NBPF8: variants seen among roughly 807,000 people sequenced by gnomAD.
NBPF8 encodes NBPF member 8.
At chr1:120,465,231 A>C (rs1661709160) in intron 23 of NBPF8, 32 bp from the exon 22 acceptor site, 2 of 483,426 alleles carry the variant, frequency 4.1e-6, no homozygotes, top group Non-Finnish European at 7.2e-6. Flanking sequence ...GAATCAGCTT[A>C]ATGTGTCTGT....
At chr1:120,436,374 T>C in exon 1 of NBPF8, 2 of 1,542,756 alleles carry the variant, frequency 1.3e-6, no homozygotes, top group South Asian at 1.2e-5. Flanking sequence ...AGTGATCACA[T>C]TTTTCACAAC....
intron 15 of NBPF8, 90 bp downstream of exon 13, chr1:120,454,204 G>T (rs1661368731): frequency 6.7e-7 from 1 of 1,497,808 alleles, no homozygotes; most frequent in Admixed American, 1.8e-5. Flanking sequence ...AAATTCATTT[G>T]AATAAAAAAC....
chr1:120,436,744 G>T, intron 1 of NBPF8, 47 bp downstream of exon 4: 1 of 915,448 alleles, frequency 1.1e-6, no homozygotes, highest in South Asian at 1.4e-5. Flanking sequence ...ATGATGTCCT[G>T]TCTTCTCTCT....
chr1:120,435,989 G>T (rs1199256756), upstream of NBPF8, among the ~76,000 whole-genome samples: 971 of 152,198 alleles, frequency 6.4e-3, 6 homozygotes, highest in Non-Finnish European at 8.5e-3. Context: ...TGATGATGTT[G>T]TACAGACAAG....
chr1:120,419,572 C>A (rs1660517302), upstream of NBPF8, among the ~76,000 whole-genome samples: 1 of 152,164 alleles, frequency 6.6e-6, no homozygotes, highest in South Asian at 2.1e-4. Context: ...AATCCTCCTG[C>A]CTCAACCTTC....
chr1:120,424,506 G>A (rs1167713378), intron 1 of NBPF8, among the ~76,000 whole-genome samples: 7 of 151,870 alleles, frequency 4.6e-5, no homozygotes, highest in Non-Finnish European at 7.4e-5. Context: ...CAAATGCAAC[G>A]GCGCCATCTC....
intron 13 of NBPF8, among the ~76,000 whole-genome samples, chr1:120,452,909 T>C (rs1353636052): frequency 6.6e-6 from 1 of 152,134 alleles, no homozygotes; most frequent in African/African-American, 2.4e-5. Flanking sequence ...TCCCCATGGA[T>C]AGAATGTCCC....
chr1:120,428,593 A>C, intron 3 of NBPF8, among the ~76,000 whole-genome samples: 1 of 152,178 alleles, frequency 6.6e-6, no homozygotes, highest in Non-Finnish European at 1.5e-5. Flanking sequence ...CATCTTGCAG[A>C]AGCAAAGCAT....
At chr1:120,434,307 A>T (rs1661004541), upstream of NBPF8, among the ~76,000 whole-genome samples, 1 of 147,038 alleles carries the variant, frequency 6.8e-6, no homozygotes, top group South Asian at 2.1e-4. Context: ...ATATACACGT[A>T]TGTATATACA....
chr1:120,454,142 A>G (rs1661366530), intron 15 of NBPF8, 28 bp downstream of exon 13: 4 of 1,608,136 alleles, frequency 2.5e-6, no homozygotes, highest in Non-Finnish European at 1.7e-6. Flanking sequence ...TGTGTCTCAT[A>G]CCTCTCTCTA....
intron 3 of NBPF8, among the ~76,000 whole-genome samples, chr1:120,428,386 G>A (rs1660781527): frequency 1.3e-5 from 2 of 152,102 alleles, no homozygotes; most frequent in Non-Finnish European, 2.9e-5. Context: ...CAGAGCCAGA[G>A]GAACATTTGG....
At chr1:120,465,794 C>T (rs1661726916) in intron 24 of NBPF8, among the ~76,000 whole-genome samples, 184 bp from the exon 23 acceptor site, 20 of 151,428 alleles carry the variant, frequency 1.3e-4, no homozygotes, top group African/African-American at 4.4e-4. Flanking sequence ...CTCTGTCTTT[C>T]TCTTTCATTG....
chr1:120,453,311 C>G, intron 13 of NBPF8, 61 bp from the exon 12 acceptor site: 1 of 618,150 alleles, frequency 1.6e-6, no homozygotes. Context: ...GCACATTGGG[C>G]TGACTGTGCT....
At chr1:120,460,762 G>C in intron 18 of NBPF8, 138 bp downstream of exon 16, 2 of 954,380 alleles carry the variant, frequency 2.1e-6, no homozygotes, top group South Asian at 1.3e-5. Flanking sequence ...ATTGCTTTTT[G>C]GTTCTCATTA....
At chr1:120,465,855 C>T (rs1553250757) in intron 24 of NBPF8, 123 bp from the exon 23 acceptor site, 11 of 1,604,128 alleles carry the variant, frequency 6.9e-6, no homozygotes, top group Non-Finnish European at 9.4e-6. Context: ...AATTTGTTAC[C>T]TCATTAATGG....
chr1:120,421,226 C>T (rs1252194665), intron 1 of NBPF8, among the ~76,000 whole-genome samples: 1 of 152,210 alleles, frequency 6.6e-6, no homozygotes. Flanking sequence ...CCCATGGAAA[C>T]AGTATATAGT....
At chr1:120,450,765 A>G (rs1443044573) in intron 11 of NBPF8, among the ~76,000 whole-genome samples, 15 of 152,156 alleles carry the variant, frequency 9.9e-5, no homozygotes, top group African/African-American at 3.6e-4. Context: ...ATTCCCAGTG[A>G]AAGGGAAACC....
chr1:120,454,165 T>C, intron 15 of NBPF8, 51 bp downstream of exon 13: 1 of 1,582,108 alleles, frequency 6.3e-7, no homozygotes, highest in Non-Finnish European at 8.7e-7. Context: ...CTGAGGAAGA[T>C]AAACTCTGAA....
chr1:120,417,699 A>T (rs1442162748), upstream of NBPF8, among the ~76,000 whole-genome samples: 1 of 105,716 alleles, frequency 9.5e-6, no homozygotes, highest in Non-Finnish European at 1.9e-5. Flanking sequence ...CTCCTGGCTC[A>T]AGCGATCCTC....
Sources: gnomAD v4.1 joint callset for allele counts (sites outside exome capture counted in the v4.1 genomes callset) on GRCh38, gnomAD v4.1.1 for gene constraint, MANE v1.5 for transcripts, NCBI Gene and HGNC (gene_info 2026-07-23, HGNC 2026-07-21) for gene names.